The following SAMMSON variants were observed in gnomAD, a reference collection of about 807,000 sequenced individuals.
SAMMSON encodes the protein long intergenic non-protein coding RNA 1212.
intron 7 of SAMMSON, among the ~76,000 whole-genome samples, chr3:70,310,123 C>T (rs1559560539): frequency 6.6e-6 from 1 of 151,916 alleles, no homozygotes; most frequent in Non-Finnish European, 1.5e-5. Flanking sequence ...TTTTTTCCTT[C>T]TACATTGTTT....
chr3:70,133,231 C>T (rs527840453), intron 4 of SAMMSON, among the ~76,000 whole-genome samples: 5 of 152,118 alleles, frequency 3.3e-5, no homozygotes, highest in Admixed American at 2.0e-4. Context: ...AGCCCCACTT[C>T]GTGACTGAAG....
At chr3:70,213,443 AT>A (rs1294261068) in intron 4 of SAMMSON, among the ~76,000 whole-genome samples, 2 of 152,094 alleles carry the variant, frequency 1.3e-5, no homozygotes, top group Non-Finnish European at 2.9e-5. Context: ...CGTATAGACC[AT>A]TTTTTAAGCT....
At chr3:70,079,568 A>T (rs759224468) in intron 4 of SAMMSON, among the ~76,000 whole-genome samples, 1 of 152,180 alleles carries the variant, frequency 6.6e-6, no homozygotes, top group East Asian at 1.9e-4. Context: ...ACTAAATGAG[A>T]TATTCAGCAC....
intron 4 of SAMMSON, among the ~76,000 whole-genome samples, chr3:70,190,523 A>G (rs1701123593): frequency 6.6e-6 from 1 of 152,202 alleles, no homozygotes; most frequent in South Asian, 2.1e-4. Flanking sequence ...CTACCTGGCC[A>G]CCTAATTGGT....
Position 70,313,439 on chromosome 3 carries a change from T to C in SAMMSON, n.739+22196T>C, listed in dbSNP as rs1008667679. Among the ~76,000 whole-genome samples, 140 of 151,152 alleles carry C rather than the reference T, an allele frequency of 9.3e-4. 1 individual carries two copies. The highest frequency in any genetic ancestry group is 1.9e-3 in the Non-Finnish European group (127 of 67,804). ...GCAGCAGTGAGCCCTGATTGTGCCA[T>C]TGCACTTCAGCCTGGGCAACAGAGC... On this transcript the variant is annotated intron_variant and non_coding_transcript_variant, in intron 7 of 9. Coordinates refer to ENST00000642114, the Ensembl canonical transcript of SAMMSON.
At chr3:70,093,066 G>T (rs1176450439) in intron 4 of SAMMSON, among the ~76,000 whole-genome samples, 1 of 152,008 alleles carries the variant, frequency 6.6e-6, no homozygotes, top group African/African-American at 2.4e-5. Context: ...GGGTATCTTT[G>T]CTGATCCTCA....
At chr3:70,119,807 C>T (rs1287724483) in intron 4 of SAMMSON, among the ~76,000 whole-genome samples, 1 of 152,096 alleles carries the variant, frequency 6.6e-6, no homozygotes, top group East Asian at 1.9e-4. Flanking sequence ...GGTAAGAAAG[C>T]ATGCACATGA....
intron 4 of SAMMSON, among the ~76,000 whole-genome samples, chr3:70,199,380 GAA>G (rs78677995): frequency 6.7e-6 from 1 of 149,680 alleles, no homozygotes; most frequent in Admixed American, 6.7e-5. Context: ...ATTTACAAAA[GAA>G]AAAAAAAAGT....
At chr3:70,104,907 A>T (rs2067361258) in intron 4 of SAMMSON, among the ~76,000 whole-genome samples, 1 of 151,958 alleles carries the variant, frequency 6.6e-6, no homozygotes, top group Non-Finnish European at 1.5e-5. Flanking sequence ...GAACAGAAAG[A>T]CTCCTTCTAA....
intron 2 of SAMMSON, among the ~76,000 whole-genome samples, chr3:70,420,905 T>A (rs753157631): frequency 1.3e-5 from 2 of 151,776 alleles, no homozygotes; most frequent in African/African-American, 2.4e-5. Context: ...CCTAAAAGCA[T>A]GAACAGAGCC....
At chr3:70,123,051 C>T (rs1476705466) in intron 4 of SAMMSON, among the ~76,000 whole-genome samples, 1 of 152,148 alleles carries the variant, frequency 6.6e-6, no homozygotes, top group Non-Finnish European at 1.5e-5. Context: ...TACCTGATAA[C>T]TCCTAGATAA....
At chr3:70,031,739 C>T (rs1491696) in intron 3 of SAMMSON, among the ~76,000 whole-genome samples, 1 of 151,804 alleles carries the variant, frequency 6.6e-6, no homozygotes, top group Non-Finnish European at 1.5e-5. Flanking sequence ...GTTAGCTTTT[C>T]TAAATGAAAC....
At chr3:70,121,656 G>A (rs774882578) in intron 4 of SAMMSON, among the ~76,000 whole-genome samples, 6 of 152,058 alleles carry the variant, frequency 3.9e-5, no homozygotes, top group Admixed American at 6.6e-5. Flanking sequence ...GTCTTAAGCC[G>A]GCCCAAGCAA....
chr3:70,007,178 G>T (rs1478432690), intron 1 of SAMMSON, among the ~76,000 whole-genome samples: 1 of 152,088 alleles, frequency 6.6e-6, no homozygotes, highest in Non-Finnish European at 1.5e-5. Context: ...TGGGATTGCT[G>T]GGTCAAATGG....
intron 3 of SAMMSON, among the ~76,000 whole-genome samples, chr3:70,063,996 C>A (rs2067200497): frequency 6.6e-6 from 1 of 152,114 alleles, no homozygotes; most frequent in Admixed American, 6.6e-5. Flanking sequence ...TATTGCACTT[C>A]TTGTCTGGGC....
chr3:70,276,022 TGAA>T (rs1019608382), intron 6 of SAMMSON, among the ~76,000 whole-genome samples: 8 of 152,268 alleles, frequency 5.3e-5, no homozygotes, highest in African/African-American at 1.9e-4. Context: ...AATATTTTGA[TGAA>T]GAGCATTTCA....
intron 4 of SAMMSON, chr3:70,159,438 G>A (rs556358555): frequency 6.6e-6 from 1 of 151,436 alleles, no homozygotes; most frequent in South Asian, 2.1e-4. Context: ...GGAGTTATGT[G>A]CTAACTATAT....
chr3:70,313,885 C>A (rs866421898), intron 7 of SAMMSON, among the ~76,000 whole-genome samples: 8 of 152,110 alleles, frequency 5.3e-5, no homozygotes, highest in Non-Finnish European at 8.8e-5. Context: ...AGATTCTATA[C>A]CACAGTTTTC....
intron 4 of SAMMSON, among the ~76,000 whole-genome samples, chr3:70,139,752 C>G (rs989347021): frequency 1.3e-5 from 2 of 152,100 alleles, no homozygotes; most frequent in African/African-American, 4.8e-5. Flanking sequence ...TTAAGTATAG[C>G]CTTGATGTTC....
Sources: gnomAD v4.1 joint callset for allele counts (sites outside exome capture counted in the v4.1 genomes callset) on GRCh38, gnomAD v4.1.1 for gene constraint, MANE v1.5 for transcripts, NCBI Gene and HGNC (gene_info 2026-07-23, HGNC 2026-07-21) for gene names.